ANAPC10: variants seen among roughly 807,000 people sequenced by gnomAD.
ANAPC10 encodes anaphase-promoting complex subunit 10.
Under a neutral mutation model 22.0 loss-of-function variants are expected in ANAPC10, and 12 were observed. The observed-to-expected ratio is 0.55, with a 90% CI of 0.35 to 0.88. The LOEUF (loss-of-function observed/expected upper bound fraction) is 0.88, where lower values mean the gene tolerates loss of function less well. ANAPC10 is among the 40% of genes least tolerant of loss of function. The probability of loss-of-function intolerance (pLI) is 0.01; values close to 1 mark genes in which losing one functional copy is unlikely to be tolerated. For missense variants in ANAPC10, 188 were observed against 220.9 expected, an observed-to-expected ratio of 0.85 and a Z score of 0.94; for synonymous variants, 65 against 69.5, an observed-to-expected ratio of 0.94 and a Z score of 0.32.
At chr4:145,035,440 T>C (rs1738369651) in intron 4 of ANAPC10, 1 of 152,240 alleles carries the variant, frequency 6.6e-6, no homozygotes, top group African/African-American at 2.4e-5. Context: ...GGCGCTTTTA[T>C]AGATCATATA....
intron 3 of ANAPC10, among the ~76,000 whole-genome samples, chr4:145,071,942 T>C (rs1744545001): frequency 6.6e-6 from 1 of 152,090 alleles, no homozygotes; most frequent in South Asian, 2.1e-4. Flanking sequence ...CCTTCTTTTC[T>C]TACCTCTTCT....
At chr4:145,074,991 T>G (rs1008079418) in intron 3 of ANAPC10, among the ~76,000 whole-genome samples, 5 of 149,420 alleles carry the variant, frequency 3.3e-5, no homozygotes, top group East Asian at 3.9e-4. Context: ...GGTTCCAAAT[T>G]TTTTTTTTTT....
intron 3 of ANAPC10, among the ~76,000 whole-genome samples, chr4:145,073,568 T>C (rs1202538677): frequency 6.6e-6 from 1 of 152,148 alleles, no homozygotes; most frequent in Non-Finnish European, 1.5e-5. Flanking sequence ...TTTATTAAAT[T>C]TATAAAGTAC....
chr4:145,017,146 C>G (rs1241361253), intron 4 of ANAPC10, among the ~76,000 whole-genome samples: 1 of 152,182 alleles, frequency 6.6e-6, no homozygotes, highest in Non-Finnish European at 1.5e-5. Context: ...TAAAGAGCTT[C>G]TGCACAGCAA....
At chr4:145,010,520 G>GT (rs1333736373) in intron 4 of ANAPC10, among the ~76,000 whole-genome samples, 1 of 152,134 alleles carries the variant, frequency 6.6e-6, no homozygotes, top group Admixed American at 6.5e-5. Context: ...CTTGTCCTTT[G>GT]TAGGGACATG....
intron 4 of ANAPC10, among the ~76,000 whole-genome samples, chr4:145,015,493 T>C (rs1734978298): frequency 6.6e-6 from 1 of 151,366 alleles, no homozygotes; most frequent in Non-Finnish European, 1.5e-5. Flanking sequence ...AGAAGAGAAA[T>C]CTAAAAGCTG....
intron 4 of ANAPC10, among the ~76,000 whole-genome samples, chr4:145,011,284 C>A (rs1734260237): frequency 6.6e-6 from 1 of 150,732 alleles, no homozygotes; most frequent in African/African-American, 2.4e-5. Context: ...TTGCAGTAAG[C>A]CAAGATTGCG....
intron 4 of ANAPC10, among the ~76,000 whole-genome samples, chr4:145,043,067 G>GT (rs35320351): frequency 3.3e-4 from 48 of 147,318 alleles, no homozygotes; most frequent in Admixed American, 8.8e-4. Context: ...CTCACACAAA[G>GT]TTTTTTTTTT....
intron 4 of ANAPC10, among the ~76,000 whole-genome samples, chr4:145,038,316 C>G (rs1280347545): frequency 6.6e-6 from 1 of 152,084 alleles, no homozygotes; most frequent in Non-Finnish European, 1.5e-5. Context: ...AGTTCAAGAC[C>G]AGCCTGGCCA....
intron 3 of ANAPC10, among the ~76,000 whole-genome samples, chr4:145,070,002 A>G (rs997435887): frequency 3.9e-5 from 6 of 152,174 alleles, no homozygotes; most frequent in Non-Finnish European, 5.9e-5. Flanking sequence ...TTTTTAGTGA[A>G]TAACTAAATA....
At chr4:145,006,738 T>A (rs1188196859) in intron 4 of ANAPC10, among the ~76,000 whole-genome samples, 1 of 152,114 alleles carries the variant, frequency 6.6e-6, no homozygotes. Flanking sequence ...CCTTTTCAGT[T>A]TGAACCTTCT....
intron 4 of ANAPC10, among the ~76,000 whole-genome samples, chr4:145,001,701 C>T (rs1485009776): frequency 6.6e-6 from 1 of 152,142 alleles, no homozygotes; most frequent in Admixed American, 6.5e-5. Flanking sequence ...TTGATATCAG[C>T]TGCTATGGTA....
rs35151753 is a variant in ANAPC10, at chr4:145,083,007, CAT to C, written c.116-1259_116-1258del. ...GATACTATATGCATATACAAGCAGT[CAT>C]ATATGTATTCTTTCTATTCCCTTTT... On this transcript the variant is annotated intron_variant, in intron 2 of 4. Coordinates refer to ENST00000507656, the MANE Select transcript of ANAPC10 (RefSeq NM_001256706.2). 4.4e-3 allele frequency among the ~76,000 whole-genome samples: 667 copies of C among 152,236 alleles called. 3 individuals are homozygous for C. The highest frequency in any genetic ancestry group is 0.015 in the African/African-American group (613 of 41,558).
intron 3 of ANAPC10, among the ~76,000 whole-genome samples, chr4:145,074,989 A>AC (rs1553984864): frequency 1.4e-5 from 2 of 147,570 alleles, no homozygotes; most frequent in Non-Finnish European, 3.0e-5. Flanking sequence ...TAGGTTCCAA[A>AC]TTTTTTTTTT....
At position 144,995,553 on chromosome 4, in the gene ANAPC10, G is replaced by C. The variant is rs1731484889; in HGVS notation, c.378C>G (p.Asp126Glu). The change falls in exon 5 of 5, where the codon GAC becomes GAG. Residue 126 changes from aspartate (D) to glutamate (E), a missense_variant. Physicochemically the swap from Asp to Glu is conservative, Grantham distance 45. Coordinates refer to ENST00000507656, the MANE Select transcript of ANAPC10 (RefSeq NM_001256706.2). ...PSGWIHVPLT[D>E]NHKKPTRTFM... is the part of the protein sequence containing the mutation. ...ATGTACGAGTTGGCTTCTTATGATT[G>C]TCAGTTAAGGGAACATGAATCCAGC... The C allele has an allele frequency of 6.2e-7, 1 of 1,613,620 alleles. No homozygotes were observed. Among genetic ancestry groups the C allele is most frequent in the Admixed American group, 1.7e-5 (1 of 59,936 alleles).
intron 4 of ANAPC10, among the ~76,000 whole-genome samples, chr4:145,050,427 T>C (rs1740929680): frequency 6.6e-6 from 1 of 152,206 alleles, no homozygotes; most frequent in African/African-American, 2.4e-5. Flanking sequence ...ACCCTAGGAT[T>C]ATTAGAATAG....
At chr4:145,027,802 A>G (rs1209792147) in intron 4 of ANAPC10, among the ~76,000 whole-genome samples, 1 of 152,230 alleles carries the variant, frequency 6.6e-6, no homozygotes, top group Non-Finnish European at 1.5e-5. Context: ...TAAAGTTTTC[A>G]GTCATGCAAG....
At chr4:145,069,279 C>T (rs1744147514) in intron 3 of ANAPC10, among the ~76,000 whole-genome samples, 1 of 151,118 alleles carries the variant, frequency 6.6e-6, no homozygotes, top group Non-Finnish European at 1.5e-5. Context: ...TTTGGGACTG[C>T]AATGTGAAGA....
intron 4 of ANAPC10, among the ~76,000 whole-genome samples, chr4:145,028,752 A>C (rs1737107622): frequency 6.6e-6 from 1 of 152,196 alleles, no homozygotes; most frequent in African/African-American, 2.4e-5. Context: ...CTTGAGCGGC[A>C]AGGAGTTTAA....
Sources: gnomAD v4.1 joint callset for allele counts (sites outside exome capture counted in the v4.1 genomes callset) on GRCh38, gnomAD v4.1.1 for gene constraint, MANE v1.5 for transcripts, NCBI Gene and HGNC (gene_info 2026-07-23, HGNC 2026-07-21) for gene names.